Variants in LYSMD4 observed in about 807,000 individuals in gnomAD.
LYSMD4 encodes the protein lysM and putative peptidoglycan-binding domain-containing protein 4.
LYSMD4 carries 9 observed loss-of-function variants against 6.1 expected under a neutral mutation model. The observed-to-expected ratio is 1.47, with a 90% CI of 0.88 to 2.56. The LOEUF (loss-of-function observed/expected upper bound fraction) is 2.56, where lower values mean the gene tolerates loss of function less well. Ranked by LOEUF, LYSMD4 falls within the 30% of genes most tolerant of loss-of-function variation. The probability of loss-of-function intolerance (pLI) is 0.00; values close to 1 mark genes in which losing one functional copy is unlikely to be tolerated. For synonymous variants in LYSMD4, 143 were observed against 148.5 expected (o/e 0.96, Z 0.27); for missense variants, 384 against 373.5 (o/e 1.03, Z -0.23).
At chr15:99,724,581 C>A (rs899998418), downstream of LYSMD4, among the ~76,000 whole-genome samples, 1 of 152,222 alleles carries the variant, frequency 6.6e-6, no homozygotes. Flanking sequence ...TAGGTCATAT[C>A]CCATTAGGTT....
downstream of LYSMD4, among the ~76,000 whole-genome samples, chr15:99,724,592 A>G (rs1317172478): frequency 6.6e-6 from 1 of 152,222 alleles, no homozygotes; most frequent in African/African-American, 2.4e-5. Context: ...CCATTAGGTT[A>G]TAAGCACCTT....
upstream of LYSMD4, among the ~76,000 whole-genome samples, chr15:99,719,465 G>GC (rs563175726): frequency 5.3e-4 from 80 of 152,010 alleles, no homozygotes; most frequent in African/African-American, 1.9e-3. Flanking sequence ...TCTCTCACCC[G>GC]CCCCTAGAGA....
At chr15:99,731,531 G>GTT in intron 2 of LYSMD4, 187 bp downstream of exon 2, 4 of 1,555,096 alleles carry the variant, frequency 2.6e-6, no homozygotes, top group Non-Finnish European at 3.5e-6. Context: ...GGGGGCCAGG[G>GTT]TTGGGAACTA....
downstream of LYSMD4, among the ~76,000 whole-genome samples, chr15:99,726,172 G>A (rs548505746): frequency 2.7e-3 from 38 of 14,228 alleles, 1 homozygote; most frequent in African/African-American, 5.6e-3. Context: ...TTTTTTTCCC[G>A]CCTGAGTCTC....
At chr15:99,725,947 C>T (rs1487538149), downstream of LYSMD4, among the ~76,000 whole-genome samples, 1 of 152,080 alleles carries the variant, frequency 6.6e-6, no homozygotes, top group Non-Finnish European at 1.5e-5. Flanking sequence ...GATAGAAGTG[C>T]CTGCGTCGTA....
chr15:99,727,217 A>T (rs2059292351), downstream of LYSMD4, among the ~76,000 whole-genome samples: 1 of 152,110 alleles, frequency 6.6e-6, no homozygotes, highest in East Asian at 1.9e-4. Flanking sequence ...TCTACTAAAA[A>T]TGCAAAAATC....
rs1240786212 is a variant in LYSMD4 at position 99,730,396 on chromosome 15, CCT to C, written c.283-667_283-666del. Among the ~76,000 whole-genome samples the C allele has an allele frequency of 1.6e-4, 25 of 152,000 alleles. 1 individual carries two copies. The highest frequency in any genetic ancestry group is 3.4e-3 in the Middle Eastern group (1 of 294). On this transcript the variant is annotated intron_variant, in intron 2 of 2. Coordinates refer to ENST00000684762, the MANE Select transcript of LYSMD4 (RefSeq NM_001284417.2). ...CAAGTAACAAAGTTCATGACAAACTCCTCTCATAATCAAACACGAAGATTTAA... is the reference window on the plus strand; with the variant it reads ...CAAGTAACAAAGTTCATGACAAACTCCTCATAATCAAACACGAAGATTTAA...
chr15:99,732,132 A>G (rs73466515), intron 1 of LYSMD4, 125 bp from the exon 2 acceptor site: 243,155 of 983,122 alleles, frequency 0.25, 31,509 homozygotes, highest in East Asian at 0.36. Flanking sequence ...CTCAGCATAC[A>G]TCATCAACAG....
exon 1 of LYSMD4, chr15:99,716,937 A>G (rs2059188245): frequency 3.0e-6 from 1 of 328,784 alleles, no homozygotes; most frequent in African/African-American, 2.2e-5. Context: ...TACATACATG[A>G]TGCTGAGCTA....
At chr15:99,721,227 G>A (rs985330292), upstream of LYSMD4, among the ~76,000 whole-genome samples, 8 of 152,198 alleles carry the variant, frequency 5.3e-5, no homozygotes, top group Admixed American at 1.3e-4. Context: ...GAAAGGAAGC[G>A]ACCAGAAGAT....
upstream of LYSMD4, among the ~76,000 whole-genome samples, chr15:99,722,358 C>T (rs925252586): frequency 5.3e-5 from 8 of 152,190 alleles, no homozygotes; most frequent in African/African-American, 1.7e-4. Context: ...TGCTCTACAC[C>T]TGCCCTAACA....
exon 1 of LYSMD4, chr15:99,717,660 TGGGGTGTAAAGCTTTGGTGCTCCTCA>T (rs1292515283): frequency 6.6e-6 from 1 of 152,232 alleles, no homozygotes; most frequent in Non-Finnish European, 1.5e-5. Context: ...TGCACATAGC[TGGGGTGTAAAGCTTTGGTGCTCCTCA>T]TTTCATCAGT....
intron 2 of LYSMD4, chr15:99,731,263 T>C (rs1485507253): frequency 9.4e-6 from 15 of 1,602,538 alleles, no homozygotes; most frequent in Non-Finnish European, 1.3e-5. Context: ...ACCATGCAGT[T>C]CTAAACGAGA....
upstream of LYSMD4, chr15:99,717,907 T>G (rs1047637240): frequency 2.6e-5 from 4 of 152,250 alleles, no homozygotes; most frequent in African/African-American, 9.6e-5. Context: ...CACTTCATTT[T>G]GAACTCACTT....
In LYSMD4 at chr15:99,729,484, A is replaced by C; in HGVS notation, c.530T>G (p.Ile177Ser). 1 of 1,614,148 alleles carries C rather than the reference A, an allele frequency of 6.2e-7. No individual in the cohort carries two copies. Among genetic ancestry groups the C allele is most frequent in the Non-Finnish European group, 8.5e-7 (1 of 1,180,028 alleles). ...GATTTCTGACTGCACTGCACGCTCA[A>C]TATCCTGGTCAATCCCCTTAAAGAA... ...MGFFKGIDQD[I>S]ERAVQSEIFL... Residue 177 changes from isoleucine to serine, a missense_variant, in exon 3 of 3, where the codon ATT (isoleucine) becomes AGT (serine). Physicochemically the swap from Ile to Ser is moderately radical, Grantham distance 142. Coordinates refer to ENST00000684762, the MANE Select transcript of LYSMD4 (RefSeq NM_001284417.2).
At position 99,729,741 on chromosome 15, in the gene LYSMD4, C is replaced by A; in HGVS notation, c.283-10G>T. 6.3e-7 allele frequency: 1 copy of A among 1,591,958 alleles called. No individual in the cohort carries two copies. The highest frequency in any genetic ancestry group is 1.7e-4 in the Middle Eastern group (1 of 5,974). On this transcript the variant is annotated splice_polypyrimidine_tract_variant and intron_variant, in intron 2 of 2. Coordinates refer to ENST00000684762, the MANE Select transcript of LYSMD4 (RefSeq NM_001284417.2). Reference sequence around the variant, plus strand: ...TCTTGATATCTGCAACCTAGGAAGGCACGAAGATAAACATCATAAAATATG... The same window carrying A: ...TCTTGATATCTGCAACCTAGGAAGGAACGAAGATAAACATCATAAAATATG...
exon 1 of LYSMD4, chr15:99,716,279 C>A (rs1172222299): frequency 2.9e-6 from 1 of 342,348 alleles, no homozygotes; most frequent in Non-Finnish European, 5.8e-6. Context: ...CGTTTGGCGG[C>A]ACAAGCTGGA....
intron 1 of LYSMD4, among the ~76,000 whole-genome samples, chr15:99,732,335 C>A (rs936253961): frequency 6.6e-6 from 1 of 152,220 alleles, no homozygotes; most frequent in Non-Finnish European, 1.5e-5. Flanking sequence ...AAGTTGAGAT[C>A]CTTGCAATGG....
chr15:99,722,455 A>G (rs907077002), downstream of LYSMD4, among the ~76,000 whole-genome samples: 1 of 152,222 alleles, frequency 6.6e-6, no homozygotes, highest in African/African-American at 2.4e-5. Context: ...AAGGAAGACA[A>G]CAAAATCCAG....
Sources: allele counts gnomAD v4.1 joint callset (sites outside exome capture counted in the v4.1 genomes callset), GRCh38; gene constraint gnomAD v4.1.1; transcripts MANE v1.5; gene names NCBI Gene and HGNC (gene_info 2026-07-23, HGNC 2026-07-21).